The following SPATA4 variants were observed in gnomAD, a reference collection of about 807,000 sequenced individuals.
SPATA4 encodes the protein spermatogenesis associated 4.
A neutral mutation model predicts 31.8 loss-of-function variants in SPATA4; 35 were observed. The observed-to-expected ratio is 1.10, with a 90% CI of 0.84 to 1.46. The LOEUF (loss-of-function observed/expected upper bound fraction) is 1.46, where lower values mean the gene tolerates loss of function less well. Ranked by LOEUF, SPATA4 falls within the 40% of genes most tolerant of loss-of-function variation. SPATA4 has a pLI of 0.00. For synonymous variants in SPATA4, 126 were observed against 132.4 expected (o/e 0.95, Z 0.33); for missense variants, 394 against 363.1 (o/e 1.09, Z -0.69).
Position 176,192,615 on chromosome 4 carries a change from A to G in SPATA4, c.688+12T>C, listed in dbSNP as rs1450071641. On this transcript the variant is annotated intron_variant, in intron 4 of 5. Coordinates refer to ENST00000280191, the MANE Select transcript of SPATA4 (RefSeq NM_144644.4). ...GCTTGGAAGAACTCAGCTGTTTCAA[A>G]GGAAAACTTACCTGGATTCAATTTT... 3.1e-6 allele frequency: 5 copies of G among 1,611,710 alleles called. No individual in the cohort carries two copies. In the African/African-American group the frequency reaches 6.7e-5, roughly 22 times the overall value.
rs374638435 is a variant in SPATA4, at chr4:176,193,499, C to T, written c.302G>A (p.Gly101Glu). ...ATCCAACTTGACTTTTAAAGAGGTC[C>T]CGTTTTCAAAGGATGATAATTCAAG... is the stretch of plus-strand genomic sequence containing the variant. Reference protein sequence around the residue: ...WELELSSFENGTSLKVKLDNW... With the variant: ...WELELSSFENETSLKVKLDNW... Residue 101 changes from glycine to glutamate, a missense_variant, in exon 2 of 6, where the codon GGG becomes GAG. Gly to Glu is a moderately conservative substitution (Grantham distance 98). Coordinates refer to ENST00000280191, the MANE Select transcript of SPATA4 (RefSeq NM_144644.4). 3.5e-5 allele frequency: 57 copies of T among 1,613,660 alleles called. 1 individual carries two copies. In the African/African-American group the frequency reaches 5.9e-4, roughly 17 times the overall value.
rs1228575091 is a variant in SPATA4 at position 176,195,331 on chromosome 4, G to C, written c.218+14C>G. On this transcript the variant is annotated intron_variant, in intron 1 of 5. Transcript: ENST00000280191. ...CGCCCACCGGGGGGGCCTAGGACTG[G>C]CTTACTCAAGCACCTGTTGATGTTC... The C allele has an allele frequency of 1.2e-6, 2 of 1,613,844 alleles. No homozygotes were observed. Among genetic ancestry groups the C allele is most frequent in the Admixed American group, 1.7e-5 (1 of 60,022 alleles).
rs376916060 is a variant in SPATA4, at chr4:176,192,895, G to A, written c.468-48C>T. On this transcript the variant is annotated intron_variant, in intron 3 of 5. Transcript: ENST00000280191. ...TGTTGACAAGCAACATTTTAGCAATGAGTTTTATATTATCAAAAGTTTCAC... is the reference window on the plus strand; with the variant it reads ...TGTTGACAAGCAACATTTTAGCAATAAGTTTTATATTATCAAAAGTTTCAC... 3 of 1,590,620 alleles carry A rather than the reference G, an allele frequency of 1.9e-6. No individual in the cohort carries two copies. The African/African-American group carries it at 4.1e-5, about 22-fold the overall frequency.
chr4:176,185,043 T>G lies in SPATA4; in HGVS notation c.806-151A>C, dbSNP rs182417543. ...TAAATGCCTGGTAAACAAGAATATTTAAATCACGCATTATAGTACTCATGG... is the reference window on the plus strand; with the variant it reads ...TAAATGCCTGGTAAACAAGAATATTGAAATCACGCATTATAGTACTCATGG... On this transcript the variant is annotated intron_variant, in intron 5 of 5. Coordinates refer to ENST00000280191, the MANE Select transcript of SPATA4 (RefSeq NM_144644.4). 1.0e-5 allele frequency: 5 copies of G among 490,400 alleles called. No individual in the cohort carries two copies. The East Asian group carries it at 1.7e-4, about 16-fold the overall frequency. 30.4% of individuals were successfully genotyped at this position (490,400 alleles called of 1,614,324 possible). A position where few individuals can be genotyped will look rare whatever the true frequency, so the allele number is the denominator to read the frequency against.
intron 4 of SPATA4, among the ~76,000 whole-genome samples, chr4:176,189,890 A>G (rs906439809): frequency 1.3e-5 from 2 of 152,192 alleles, no homozygotes; most frequent in Admixed American, 1.3e-4. Context: ...GAACTTCAGC[A>G]AGACCCCTGT....
At chr4:176,187,206 G>T (rs1345058312) in intron 5 of SPATA4, among the ~76,000 whole-genome samples, 1 of 151,922 alleles carries the variant, frequency 6.6e-6, no homozygotes, top group Non-Finnish European at 1.5e-5. Flanking sequence ...ACTGTTGAAG[G>T]GTCAAAGCAG....
intron 4 of SPATA4, among the ~76,000 whole-genome samples, chr4:176,190,748 ATCTCTTACTTCTCCT>A (rs1162223252): frequency 1.3e-5 from 2 of 152,106 alleles, no homozygotes; most frequent in African/African-American, 4.8e-5. Context: ...CACACTCCAG[ATCTCTTACTTCTCCT>A]TCTCCTACAT....
In SPATA4 at chr4:176,188,119, G is replaced by C; in HGVS notation, c.805C>G (p.Pro269Ala). The C allele has an allele frequency of 6.2e-7, 1 of 1,601,762 alleles. No homozygotes were observed. Among genetic ancestry groups the C allele is most frequent in the East Asian group, 2.2e-5 (1 of 44,800 alleles). The change falls in exon 5 of 6, where the codon CCA becomes GCA. Residue 269 changes from proline to alanine, a missense_variant and splice_region_variant. Physicochemically the swap from Pro to Ala is conservative, Grantham distance 27. Coordinates refer to ENST00000280191, the MANE Select transcript of SPATA4 (RefSeq NM_144644.4). ...TAAGAAGCAAAGAGTTAAAACTTAC[G>C]TAAAACAGGGACAACTCTTCCTCTT... Reference protein sequence around the residue: ...VKRGRVVPVLPNIGSGGSSHR... With the variant: ...VKRGRVVPVLANIGSGGSSHR...
chr4:176,195,147 T>C (rs527817941), intron 1 of SPATA4, among the ~76,000 whole-genome samples, 198 bp downstream of exon 1: 1 of 152,350 alleles, frequency 6.6e-6, no homozygotes, highest in South Asian at 2.1e-4. Context: ...GATTGGTTGA[T>C]TAATTGAATA....
At position 176,195,513 on chromosome 4, in the gene SPATA4, G is replaced by A. The variant is rs1225001383; in HGVS notation, c.50C>T (p.Ala17Val). ...CGAAAGTGACGGTGACTTGTCTAGG[G>A]CTGCCGCAGTCTGTGTCAAATACCC... is the stretch of plus-strand genomic sequence containing the variant. ...EKGYLTQTAA[A>V]LDKSPSLSPQ... Residue 17 changes from alanine (A) to valine (V), a missense_variant, in exon 1 of 6, where the codon GCC becomes GTC. Physicochemically the swap from Ala to Val is moderately conservative, Grantham distance 64. Coordinates refer to ENST00000280191, the MANE Select transcript of SPATA4 (RefSeq NM_144644.4). The A allele has an allele frequency of 1.9e-6, 3 of 1,614,132 alleles. No individual in the cohort carries two copies. The African/African-American group carries it at 4.0e-5, about 22-fold the overall frequency.
chr4:176,193,306 T>C, intron 2 of SPATA4, 147 bp downstream of exon 2: 1 of 1,016,216 alleles, frequency 9.8e-7, no homozygotes, highest in Admixed American at 2.7e-5. Flanking sequence ...ACAGTTGGAA[T>C]TTAATAAACT....
intron 5 of SPATA4, among the ~76,000 whole-genome samples, chr4:176,187,145 G>C (rs1037544194): frequency 6.6e-6 from 1 of 151,974 alleles, no homozygotes; most frequent in Non-Finnish European, 1.5e-5. Context: ...TGCTAAATCT[G>C]GCAACTCAAC....
At chr4:176,187,465 C>G (rs1752462873) in intron 5 of SPATA4, among the ~76,000 whole-genome samples, 1 of 151,922 alleles carries the variant, frequency 6.6e-6, no homozygotes, top group South Asian at 2.1e-4. Context: ...ATTAGCCAGG[C>G]GTGGCACCGT....
Position 176,195,476 on chromosome 4 carries a change from T to C in SPATA4, c.87A>G (p.Ala29=), listed in dbSNP as rs1345529979. 4 of 1,614,244 alleles carry C rather than the reference T, an allele frequency of 2.5e-6. No homozygotes were observed. The South Asian group carries it at 3.3e-5, about 13-fold the overall frequency. Residue 29 remains alanine (A), a synonymous_variant, in exon 1 of 6, where the codon GCA becomes GCG. Transcript: ENST00000280191. ...DKSPSLSPQL[A]APIRGRPKKC... ...TCTTAGGCCTCCCTCGGATGGGAGC[T>C]GCTAGCTGTGGCGAAAGTGACGGTG...
At chr4:176,191,096 A>AT (rs70962456) in intron 4 of SPATA4, among the ~76,000 whole-genome samples, 14 of 123,190 alleles carry the variant, frequency 1.1e-4, no homozygotes, top group South Asian at 2.6e-4. Context: ...GTATGTATAG[A>AT]TTTTTTTTTT....
At position 176,188,117 on chromosome 4, in the gene SPATA4, A is replaced by T; in HGVS notation, c.805+2T>A. Reference sequence around the variant, plus strand: ...TTTAAGAAGCAAAGAGTTAAAACTTACGTAAAACAGGGACAACTCTTCCTC... The same window carrying T: ...TTTAAGAAGCAAAGAGTTAAAACTTTCGTAAAACAGGGACAACTCTTCCTC... On this transcript the variant is annotated splice_donor_variant, in intron 5 of 5. Transcript: ENST00000280191. LOFTEE classifies it high-confidence loss of function. 6.2e-7 allele frequency: 1 copy of T among 1,601,558 alleles called. No individual in the cohort carries two copies. The highest frequency in any genetic ancestry group is 8.5e-7 in the Non-Finnish European group (1 of 1,169,812).
Position 176,184,881 on chromosome 4 carries a change from T to C in SPATA4, c.817A>G (p.Ser273Gly), listed in dbSNP as rs887294225. The change falls in exon 6 of 6, where the codon AGT (serine) becomes GGT (glycine). Residue 273 changes from serine (S) to glycine (G), a missense_variant. By Grantham distance (56) the Ser-to-Gly change is moderately conservative. Transcript: ENST00000280191. ...ATTTCTCTATGTGAACTGCCACCAC[T>C]ACCTATATTTGCTGGGACATTTAAA... ...RVVPVLPNIG[S>G]GGSSHREIHV... 2 of 1,583,430 alleles carry C rather than the reference T, an allele frequency of 1.3e-6. No individual in the cohort carries two copies. The highest frequency in any genetic ancestry group is 1.7e-6 in the Non-Finnish European group (2 of 1,164,972).
At position 176,188,191 on chromosome 4, in the gene SPATA4, G is replaced by A; in HGVS notation, c.733C>T (p.His245Tyr). The A allele has an allele frequency of 6.2e-7, 1 of 1,613,022 alleles. No homozygotes were observed. The highest frequency in any genetic ancestry group is 1.1e-5 in the South Asian group (1 of 90,748). Residue 245 changes from histidine (H) to tyrosine (Y), a missense_variant, in exon 5 of 6, where the codon CAC becomes TAC. By Grantham distance (83) the His-to-Tyr change is moderately conservative. Coordinates refer to ENST00000280191, the MANE Select transcript of SPATA4 (RefSeq NM_144644.4). ...CGCCCAGAGGCTTGGGCAGGAAGGT[G>A]ATTGAGAGTAACTTCTCCCACTGTT... ...KPTVGEVTLN[H>Y]LPAQASGRRY...
rs1361057362 is a variant in SPATA4, at chr4:176,195,326, G to A, written c.218+19C>T. ...CGGGGCGCCCACCGGGGGGGCCTAGGACTGGCTTACTCAAGCACCTGTTGA... is the reference window on the plus strand; with the variant it reads ...CGGGGCGCCCACCGGGGGGGCCTAGAACTGGCTTACTCAAGCACCTGTTGA... On this transcript the variant is annotated intron_variant, in intron 1 of 5. Coordinates refer to ENST00000280191, the MANE Select transcript of SPATA4 (RefSeq NM_144644.4). 2 of 1,613,206 alleles carry A rather than the reference G, an allele frequency of 1.2e-6. No individual in the cohort carries two copies. Among genetic ancestry groups the A allele is most frequent in the African/African-American group, 1.3e-5 (1 of 74,902 alleles).
Sources: gnomAD v4.1 joint callset for allele counts (sites outside exome capture counted in the v4.1 genomes callset) on GRCh38, gnomAD v4.1.1 for gene constraint, MANE v1.5 for transcripts, NCBI Gene and HGNC (gene_info 2026-07-23, HGNC 2026-07-21) for gene names.